Variants in KLF12 observed in about 807,000 individuals in gnomAD.
KLF12 encodes the protein Krueppel-like factor 12.
A neutral mutation model predicts 37.8 loss-of-function variants in KLF12; 9 were observed. The ratio of observed to expected loss-of-function variants is 0.24; its 90% CI spans 0.14 to 0.42. KLF12 has a LOEUF of 0.42. KLF12 is among the 10% of genes least tolerant of loss of function. The pLI is 1.00. For missense variants in KLF12, 411 were observed against 516.0 expected, an observed-to-expected ratio of 0.80 and a Z score of 1.97; for synonymous variants, 208 against 202.1, an observed-to-expected ratio of 1.03 and a Z score of -0.25.
intron 6 of KLF12, among the ~76,000 whole-genome samples, chr13:73,752,481 C>T (rs542435761): frequency 2.0e-4 from 16 of 81,990 alleles, no homozygotes; most frequent in Middle Eastern, 7.1e-3. Context: ...TTTACATCTA[C>T]GGACTTGCCT....
chr13:74,217,917 C>G, the KLF12 span, among the ~76,000 whole-genome samples: 3 of 152,082 alleles, frequency 2.0e-5, no homozygotes, highest in Non-Finnish European at 4.4e-5. Flanking sequence ...ATGTATAACC[C>G]CAACTCTTCC....
chr13:74,152,551 C>G, the KLF12 span, among the ~76,000 whole-genome samples: 1 of 152,062 alleles, frequency 6.6e-6, no homozygotes, highest in Non-Finnish European at 1.5e-5. Context: ...ATAGAGGGCT[C>G]TTAGGCTGGG....
chr13:73,687,997 G>C lies in KLF12; in HGVS notation c.*7493C>G, dbSNP rs1242630531. On this transcript the variant is annotated 3_prime_UTR_variant, in exon 8 of 8. Transcript: ENST00000377669. ...CTGAGAAGGGCCCCAGTCTGCAGCAGGTTGTGCACATGGAACACTTGCTTT... is the reference window on the plus strand; with the variant it reads ...CTGAGAAGGGCCCCAGTCTGCAGCACGTTGTGCACATGGAACACTTGCTTT... 2.0e-5 allele frequency: 3 copies of C among 152,306 alleles called. No homozygotes were observed. Among genetic ancestry groups the C allele is most frequent in the Non-Finnish European group, 2.9e-5 (2 of 68,044 alleles). 9.4% of individuals were successfully genotyped at this position (152,306 alleles called of 1,614,324 possible).
At chr13:73,833,969 C>T (rs915828831) in intron 4 of KLF12, among the ~76,000 whole-genome samples, 1 of 152,138 alleles carries the variant, frequency 6.6e-6, no homozygotes, top group Non-Finnish European at 1.5e-5. Context: ...AACACTGTTC[C>T]TGCAGTGTTT....
intron 2 of KLF12, among the ~76,000 whole-genome samples, chr13:73,980,781 C>T (rs1035581154): frequency 5.9e-5 from 9 of 152,118 alleles, no homozygotes; most frequent in African/African-American, 2.2e-4. Flanking sequence ...TTAACGCACA[C>T]CAGATTGAAA....
At chr13:73,847,698 C>T (rs928467326) in intron 3 of KLF12, among the ~76,000 whole-genome samples, 12 of 152,012 alleles carry the variant, frequency 7.9e-5, no homozygotes, top group African/African-American at 2.7e-4. Context: ...AAACAAATGA[C>T]TTAGAAACAA....
chr13:74,277,429 G>A, the KLF12 span, among the ~76,000 whole-genome samples: 3 of 152,064 alleles, frequency 2.0e-5, no homozygotes, highest in Admixed American at 6.5e-5. Flanking sequence ...TGGTAGTCAC[G>A]GTATTCCCTT....
intron 1 of KLF12, among the ~76,000 whole-genome samples, chr13:74,087,765 A>G (rs1196408802): frequency 6.6e-6 from 1 of 152,020 alleles, no homozygotes; most frequent in Non-Finnish European, 1.5e-5. Context: ...TCAAATGAGA[A>G]TATCTGTTAA....
chr13:73,787,195 T>C (rs780654762), intron 5 of KLF12, among the ~76,000 whole-genome samples: 4 of 152,212 alleles, frequency 2.6e-5, no homozygotes, highest in African/African-American at 7.2e-5. Flanking sequence ...ATATAGTTAA[T>C]TTATGGAGCA....
At chr13:74,300,915 G>C in the KLF12 span, among the ~76,000 whole-genome samples, 3 of 152,152 alleles carry the variant, frequency 2.0e-5, no homozygotes, top group South Asian at 6.2e-4. Context: ...TCAAGCAGTT[G>C]CTCTTACAGA....
intron 2 of KLF12, among the ~76,000 whole-genome samples, chr13:73,956,024 C>T (rs1890820373): frequency 6.6e-6 from 1 of 152,214 alleles, no homozygotes; most frequent in Admixed American, 6.5e-5. Context: ...TTAAATCCAG[C>T]ATTCTTTTTT....
the KLF12 span, among the ~76,000 whole-genome samples, chr13:74,146,482 G>A: frequency 3.3e-5 from 5 of 152,016 alleles, no homozygotes; most frequent in African/African-American, 1.2e-4. Context: ...GACTGTTGCC[G>A]AAACACTGGG....
At chr13:74,045,370 G>A (rs551872927) in intron 1 of KLF12, among the ~76,000 whole-genome samples, 5 of 152,098 alleles carry the variant, frequency 3.3e-5, no homozygotes, top group African/African-American at 1.2e-4. Flanking sequence ...GACGAATCTC[G>A]ACTGAGAGAC....
At chr13:74,071,014 A>G (rs1874202959) in intron 1 of KLF12, among the ~76,000 whole-genome samples, 2 of 152,196 alleles carry the variant, frequency 1.3e-5, no homozygotes, top group African/African-American at 2.4e-5. Flanking sequence ...TACCAAATAG[A>G]ACTCAAAACA....
chr13:74,068,988 C>T (rs1402873965), intron 1 of KLF12, among the ~76,000 whole-genome samples: 3 of 152,252 alleles, frequency 2.0e-5, no homozygotes, highest in Middle Eastern at 3.4e-3. Flanking sequence ...ATTGTCATGT[C>T]TTCTATGTGC....
intron 1 of KLF12, among the ~76,000 whole-genome samples, chr13:74,117,725 G>A (rs1487238375): frequency 2.6e-5 from 4 of 152,224 alleles, no homozygotes; most frequent in South Asian, 2.1e-4. Flanking sequence ...AGAAGGGTTC[G>A]TCACCTATGT....
intron 1 of KLF12, among the ~76,000 whole-genome samples, chr13:74,107,682 G>A (rs1211952175): frequency 3.9e-5 from 6 of 152,162 alleles, no homozygotes; most frequent in African/African-American, 9.7e-5. Flanking sequence ...ATAAAAGGCA[G>A]AGAAATAAAC....
intron 5 of KLF12, among the ~76,000 whole-genome samples, chr13:73,790,654 A>G (rs2138264984): frequency 6.6e-6 from 1 of 152,348 alleles, no homozygotes; most frequent in Non-Finnish European, 1.5e-5. Context: ...CATAGAAAGC[A>G]TTTTCTTAGA....
At chr13:73,789,809 T>C (rs943908044) in intron 5 of KLF12, among the ~76,000 whole-genome samples, 6 of 152,104 alleles carry the variant, frequency 3.9e-5, no homozygotes, top group African/African-American at 1.4e-4. Context: ...CCCGAGTAGC[T>C]GGGACTACAG....
Sources: allele counts gnomAD v4.1 joint callset (sites outside exome capture counted in the v4.1 genomes callset), GRCh38; gene constraint gnomAD v4.1.1; transcripts MANE v1.5; gene names NCBI Gene and HGNC (gene_info 2026-07-23, HGNC 2026-07-21).